SDK1: variants seen among roughly 807,000 people sequenced by gnomAD.
SDK1 encodes the protein sidekick cell adhesion molecule 1.
A neutral mutation model predicts 245.5 loss-of-function variants in SDK1; 157 were observed. That is an observed-to-expected ratio of 0.64 (90% CI 0.56 to 0.73). The LOEUF is 0.73. Ranked by LOEUF, SDK1 falls within the 30% of genes least tolerant of loss-of-function variation. The probability of loss-of-function intolerance (pLI) is 0.00; values close to 1 mark genes in which losing one functional copy is unlikely to be tolerated. For missense variants in SDK1, 3,583 were observed against 3,002.3 expected, an observed-to-expected ratio of 1.19 and a Z score of -4.52; for synonymous variants, 1,647 against 1,278.5, an observed-to-expected ratio of 1.29 and a Z score of -6.15.
At chr7:3,572,573 CTG>C (rs1200691035) in intron 1 of SDK1, among the ~76,000 whole-genome samples, 1 of 152,040 alleles carries the variant, frequency 6.6e-6, no homozygotes, top group Non-Finnish European at 1.5e-5. Flanking sequence ...AATCGTCTCA[CTG>C]TGTGTGAGCC....
At chr7:3,680,166 C>T (rs920131455) in intron 4 of SDK1, among the ~76,000 whole-genome samples, 1 of 152,126 alleles carries the variant, frequency 6.6e-6, no homozygotes, top group Non-Finnish European at 1.5e-5. Context: ...GGGCATCATG[C>T]TTAGGGAAAA....
chr7:3,534,976 C>T (rs948224322), intron 1 of SDK1, among the ~76,000 whole-genome samples: 2 of 152,110 alleles, frequency 1.3e-5, no homozygotes, highest in Non-Finnish European at 2.9e-5. Context: ...GGCCAGCCTT[C>T]CCCGTGGGCT....
chr7:3,852,563 C>G (rs796091700), intron 5 of SDK1, among the ~76,000 whole-genome samples: 1 of 151,068 alleles, frequency 6.6e-6, no homozygotes, highest in Non-Finnish European at 1.5e-5. Context: ...CTGGCTAACA[C>G]GGTGAAACCC....
chr7:3,738,923 A>G (rs1197321131), intron 4 of SDK1, among the ~76,000 whole-genome samples: 1 of 151,050 alleles, frequency 6.6e-6, no homozygotes, highest in Non-Finnish European at 1.5e-5. Context: ...TTTTTGTGGA[A>G]TCTTTAGTGT....
At chr7:3,724,511 G>A (rs1778951084) in intron 4 of SDK1, among the ~76,000 whole-genome samples, 1 of 152,186 alleles carries the variant, frequency 6.6e-6, no homozygotes, top group Non-Finnish European at 1.5e-5. Context: ...GGTGAGAAGA[G>A]AGAAACAGAA....
intron 1 of SDK1, among the ~76,000 whole-genome samples, chr7:3,351,039 T>G (rs893314341): frequency 1.3e-5 from 2 of 152,190 alleles, no homozygotes; most frequent in Non-Finnish European, 2.9e-5. Context: ...TGTGATAATA[T>G]ATCTTAGTTT....
In SDK1 at chr7:3,695,960, C is replaced by T. The variant is rs141017994; in HGVS notation, c.713+53855C>T. 8.7e-4 allele frequency among the ~76,000 whole-genome samples: 132 copies of T among 152,296 alleles called. 1 individual carries two copies. Among genetic ancestry groups the T allele is most frequent in the African/African-American group, 3.1e-3 (128 of 41,578 alleles). ...TGCAGCATTTGGAGTTGCTGACGCT[C>T]ATTGGCTTCCTGGCATCTTCTTTTT... On this transcript the variant is annotated intron_variant, in intron 4 of 44. Coordinates refer to ENST00000404826, the MANE Select transcript of SDK1 (RefSeq NM_152744.4).
At chr7:3,600,606 G>A (rs1781224982) in intron 1 of SDK1, among the ~76,000 whole-genome samples, 1 of 147,136 alleles carries the variant, frequency 6.8e-6, no homozygotes, top group African/African-American at 2.5e-5. Flanking sequence ...CTAGGCTGGA[G>A]TGCAGCGGCG....
intron 1 of SDK1, among the ~76,000 whole-genome samples, chr7:3,412,146 G>A (rs531043208): frequency 7.2e-5 from 11 of 152,256 alleles, no homozygotes; most frequent in African/African-American, 2.4e-4. Flanking sequence ...AGATTTAGGG[G>A]TGTAAGATGT....
intron 44 of SDK1, among the ~76,000 whole-genome samples, chr7:4,261,492 T>G (rs1788002004): frequency 6.6e-6 from 1 of 152,152 alleles, no homozygotes; most frequent in African/African-American, 2.4e-5. Context: ...AGAGCTGCTG[T>G]GGCTGGCAAT....
At chr7:4,018,346 A>G (rs1786588618) in intron 17 of SDK1, among the ~76,000 whole-genome samples, 1 of 152,198 alleles carries the variant, frequency 6.6e-6, no homozygotes, top group East Asian at 1.9e-4. Context: ...TTTTATTATC[A>G]TCCCGTATTG....
intron 5 of SDK1, among the ~76,000 whole-genome samples, chr7:3,867,052 G>A (rs1780839047): frequency 1.3e-5 from 2 of 152,294 alleles, no homozygotes; most frequent in South Asian, 4.1e-4. Context: ...GTATGAGTGG[G>A]CGCAGGCCTT....
At chr7:3,307,800 C>G (rs1283342370) in intron 1 of SDK1, among the ~76,000 whole-genome samples, 2 of 152,240 alleles carry the variant, frequency 1.3e-5, no homozygotes, top group South Asian at 2.1e-4. Context: ...CTATTAGTCT[C>G]TCTGAGTCTG....
chr7:3,590,075 T>C (rs1363272674), intron 1 of SDK1, among the ~76,000 whole-genome samples: 1 of 152,160 alleles, frequency 6.6e-6, no homozygotes, highest in Non-Finnish European at 1.5e-5. Flanking sequence ...AATACGTATG[T>C]GTTAGGGGAT....
intron 19 of SDK1, among the ~76,000 whole-genome samples, chr7:4,062,885 G>C (rs527253517): frequency 6.6e-6 from 1 of 152,064 alleles, no homozygotes; most frequent in Non-Finnish European, 1.5e-5. Flanking sequence ...TGCATAAAAA[G>C]CATTTAATAA....
At chr7:3,642,156 C>T in intron 4 of SDK1, 51 bp downstream of exon 4, 7 of 1,560,756 alleles carry the variant, frequency 4.5e-6, no homozygotes, top group Non-Finnish European at 6.2e-6. Flanking sequence ...ATGTCACTTG[C>T]TGGCACCATC....
chr7:3,322,427 A>G lies in SDK1; in HGVS notation c.298+20543A>G, dbSNP rs187329665. The stretch of plus-strand genomic sequence containing the variant: ...TGTTTCCACCTTTTGGCTATTGTGA[A>G]TAGTGTTGCTGTGAACATGTATGTG... On this transcript the variant is annotated intron_variant, in intron 1 of 44. Transcript: ENST00000404826. Among the ~76,000 whole-genome samples the G allele has an allele frequency of 9.9e-5, 15 of 152,226 alleles. No homozygotes were observed. In the East Asian group the frequency reaches 2.5e-3, roughly 25 times the overall value.
At chr7:3,339,194 G>A (rs971525207) in intron 1 of SDK1, among the ~76,000 whole-genome samples, 5 of 152,050 alleles carry the variant, frequency 3.3e-5, no homozygotes, top group Non-Finnish European at 5.9e-5. Flanking sequence ...AATAAAGACA[G>A]AGGCATAAGG....
chr7:4,055,938 A>G (rs984348391), intron 19 of SDK1, among the ~76,000 whole-genome samples: 13 of 152,210 alleles, frequency 8.5e-5, no homozygotes, highest in Middle Eastern at 3.4e-3. Flanking sequence ...TGGAGATTCT[A>G]TTGTCTTTCT....
Sources: gnomAD v4.1 joint callset for allele counts (sites outside exome capture counted in the v4.1 genomes callset) on GRCh38, gnomAD v4.1.1 for gene constraint, MANE v1.5 for transcripts, NCBI Gene and HGNC (gene_info 2026-07-23, HGNC 2026-07-21) for gene names.